Variants in ACTR3 observed in about 807,000 individuals in gnomAD.
ACTR3 encodes the protein actin-related protein 3.
In ACTR3, 12 loss-of-function variants were observed where a neutral mutation model predicts 56.8. The observed-to-expected ratio is 0.21, with a 90% confidence interval of 0.14 to 0.34. ACTR3 has a LOEUF of 0.34. Ranked by LOEUF, ACTR3 falls within the 10% of genes least tolerant of loss-of-function variation. The probability of loss-of-function intolerance (pLI) is 1.00; values close to 1 mark genes in which losing one functional copy is unlikely to be tolerated. For missense variants in ACTR3, 282 were observed against 512.5 expected (o/e 0.55, Z 4.34); for synonymous variants, 162 against 167.4 (o/e 0.97, Z 0.25).
rs566913677 is a variant in ACTR3, at chr2:113,927,395, T to C, written c.276T>C (p.Phe92=). The change falls in exon 4 of 12, where the codon TTT becomes TTC. Residue 92 remains phenylalanine, a synonymous_variant. Transcript: ENST00000263238. ...IVEDWDLMER[F]MEQVIFKYLR... is the part of the protein sequence containing the mutation. The stretch of plus-strand genomic sequence containing the variant: ...AAGATTGGGACTTAATGGAAAGGTT[T>C]ATGGAGCAAGTGATCTTTAAATATT... 6.3e-7 allele frequency: 1 copy of C among 1,596,840 alleles called. No individual in the cohort carries two copies. The highest frequency in any genetic ancestry group is 1.1e-5 in the South Asian group (1 of 88,568).
Position 113,927,365 on chromosome 2 carries a change from A to T in ACTR3, c.246A>T (p.Ile82=). ...AATAGTGGCCAATCCGCCATGGTATAGTTGAAGATTGGGACTTAATGGAAA... is the reference window on the plus strand; with the variant it reads ...AATAGTGGCCAATCCGCCATGGTATTGTTGAAGATTGGGACTTAATGGAAA... ...YATKWPIRHG[I]VEDWDLMERF... The change falls in exon 4 of 12, where the codon ATA becomes ATT. Residue 82 remains isoleucine (I), a synonymous_variant. Coordinates refer to ENST00000263238, the MANE Select transcript of ACTR3 (RefSeq NM_005721.5). 6.3e-7 allele frequency: 1 copy of T among 1,586,128 alleles called. No individual in the cohort carries two copies.
In ACTR3 at chr2:113,890,193, A is replaced by G; in HGVS notation, c.-87A>G. ...GAAGGCGGCCCAGCTGTGGATGGTC[A>G]GATAGCCCTTGTCTCCCGCCGCCAA... On this transcript the variant is annotated 5_prime_UTR_variant, in exon 1 of 12. Coordinates refer to ENST00000263238, the MANE Select transcript of ACTR3 (RefSeq NM_005721.5). 1 of 1,526,880 alleles carries G rather than the reference A, an allele frequency of 6.5e-7. No homozygotes were observed. Among genetic ancestry groups the G allele is most frequent in the Non-Finnish European group, 8.9e-7 (1 of 1,124,962 alleles). The allele number at this position is 1,526,880 out of a possible 1,614,324, so 94.6% of individuals were successfully genotyped here. A position where few individuals can be genotyped will look rare whatever the true frequency, so the allele number is the denominator to read the frequency against.
chr2:113,941,859 G>A (rs1229241730), intron 7 of ACTR3, among the ~76,000 whole-genome samples: 2 of 152,030 alleles, frequency 1.3e-5, no homozygotes, highest in Non-Finnish European at 2.9e-5. Context: ...TACAGCACAA[G>A]ATTCATTATT....
intron 8 of ACTR3, among the ~76,000 whole-genome samples, chr2:113,944,093 A>G (rs923770758): frequency 6.6e-6 from 1 of 152,214 alleles, no homozygotes; most frequent in African/African-American, 2.4e-5. Flanking sequence ...GTGAAGTAAC[A>G]TTAGAGGAAA....
chr2:113,940,630 TATCAAA>T (rs937004292), intron 7 of ACTR3, among the ~76,000 whole-genome samples: 10 of 152,100 alleles, frequency 6.6e-5, no homozygotes, highest in African/African-American at 2.4e-4. Flanking sequence ...TCATGCAAAC[TATCAAA>T]ATACTTTAGC....
In ACTR3 at chr2:113,932,209, A is replaced by G. The variant is rs775310835; in HGVS notation, c.432+813A>G. On this transcript the variant is annotated intron_variant, in intron 5 of 11. Coordinates refer to ENST00000263238, the MANE Select transcript of ACTR3 (RefSeq NM_005721.5). ...AAAGAACTTTTTAATGTTTAATGCA[A>G]TCCATAAATTTAATGAACTGCCTTT... Among the ~76,000 whole-genome samples the G allele has an allele frequency of 7.5e-4, 115 of 152,362 alleles. 1 individual carries two copies. The highest frequency in any genetic ancestry group is 2.5e-3 in the African/African-American group (105 of 41,588).
At chr2:113,925,252 A>G (rs1285117123) in intron 3 of ACTR3, among the ~76,000 whole-genome samples, 1 of 133,748 alleles carries the variant, frequency 7.5e-6, no homozygotes, top group Non-Finnish European at 1.6e-5. Flanking sequence ...CTGGAGTGCA[A>G]TGGAGTGATC....
At chr2:113,949,867 G>A (rs1428838584) in intron 8 of ACTR3, among the ~76,000 whole-genome samples, 1 of 152,170 alleles carries the variant, frequency 6.6e-6, no homozygotes, top group African/African-American at 2.4e-5. Flanking sequence ...CCAGCTTCAA[G>A]TTGTTTTTTG....
intron 1 of ACTR3, among the ~76,000 whole-genome samples, chr2:113,894,175 C>T (rs1916201): frequency 0.3 from 45,129 of 151,742 alleles, 11,043 homozygotes; most frequent in African/African-American, 0.67. Flanking sequence ...CTGCAACCTC[C>T]TTCTGCCTCC....
intron 2 of ACTR3, among the ~76,000 whole-genome samples, chr2:113,916,112 A>G (rs1423698568): frequency 6.6e-6 from 1 of 152,176 alleles, no homozygotes; most frequent in Non-Finnish European, 1.5e-5. Context: ...TTTTTCTTCC[A>G]GTTATTTTCT....
chr2:113,930,905 A>C lies in ACTR3; in HGVS notation c.337-396A>C, dbSNP rs1679711951. Among the ~76,000 whole-genome samples, 2 of 152,164 alleles carry C rather than the reference A, an allele frequency of 1.3e-5. 1 individual carries two copies. Among genetic ancestry groups the C allele is most frequent in the South Asian group, 4.1e-4 (2 of 4,826 alleles). On this transcript the variant is annotated intron_variant, in intron 4 of 11. Transcript: ENST00000263238. ...TTCATCTAAAAGCATTACTTAGATG[A>C]GGGCTCTCCCACTGGCAAATACCAT...
chr2:113,934,157 G>T, intron 5 of ACTR3, 122 bp from the exon 6 acceptor site: 1 of 656,064 alleles, frequency 1.5e-6, no homozygotes, highest in Non-Finnish European at 2.6e-6. Flanking sequence ...TCTTTCCACA[G>T]ATACTACATT....
intron 1 of ACTR3, among the ~76,000 whole-genome samples, chr2:113,911,549 A>G (rs1002703913): frequency 3.3e-5 from 5 of 150,678 alleles, no homozygotes; most frequent in African/African-American, 1.2e-4. Flanking sequence ...TCTCCTGAGT[A>G]GCTGGGATTA....
At position 113,960,021 on chromosome 2, in the gene ACTR3, A is replaced by G. The variant is rs1018486935; in HGVS notation, c.*2566A>G. On this transcript the variant is annotated 3_prime_UTR_variant, in exon 12 of 12. Transcript: ENST00000263238. ...AATTTCTTTGAGTTGTTAGAATATA[A>G]TGTAGCTTATTAATAGCAATATTAG... 1.3e-5 allele frequency: 2 copies of G among 152,044 alleles called. No homozygotes were observed. Among genetic ancestry groups the G allele is most frequent in the African/African-American group, 2.4e-5 (1 of 41,446 alleles). The allele number at this position is 152,044 out of a possible 1,614,324, so 9.4% of individuals were successfully genotyped here.
chr2:113,951,682 T>C, intron 9 of ACTR3, 38 bp from the exon 10 acceptor site: 9 of 1,496,082 alleles, frequency 6.0e-6, no homozygotes, highest in Non-Finnish European at 8.1e-6. Flanking sequence ...TTTAAACTTT[T>C]CTCTTTTTAA....
chr2:113,895,386 G>C (rs947720932), intron 1 of ACTR3, among the ~76,000 whole-genome samples: 4 of 152,160 alleles, frequency 2.6e-5, no homozygotes, highest in African/African-American at 9.7e-5. Flanking sequence ...CGTAGAAGAT[G>C]AACGTTTGAC....
chr2:113,942,354 C>G lies in ACTR3; in HGVS notation c.853C>G (p.Pro285Ala). The change falls in exon 8 of 12, where the codon CCA (proline) becomes GCA (alanine). Residue 285 changes from proline to alanine, a missense_variant. Coordinates refer to ENST00000263238, the MANE Select transcript of ACTR3 (RefSeq NM_005721.5). ...RFLGPEIFFH[P>A]EFANPDFTQP... The stretch of plus-strand genomic sequence containing the variant: ...TTTGGGACCTGAAATCTTTTTTCAT[C>G]CAGAGGTAATTTTTTTTAACGGAAT... 1.3e-6 allele frequency: 2 copies of G among 1,563,356 alleles called. No homozygotes were observed. Among genetic ancestry groups the G allele is most frequent in the Non-Finnish European group, 8.6e-7 (1 of 1,159,978 alleles).
At chr2:113,890,653 T>G in intron 1 of ACTR3, 1 of 1,220,314 alleles carries the variant, frequency 8.2e-7, no homozygotes. Context: ...TTGGGGGTGG[T>G]CCCCGGGCCC....
At chr2:113,920,314 T>C (rs1396209297) in intron 3 of ACTR3, among the ~76,000 whole-genome samples, 3 of 152,242 alleles carry the variant, frequency 2.0e-5, no homozygotes, top group Admixed American at 6.5e-5. Flanking sequence ...CATGTTGGCC[T>C]CTCTCAAAGT....
Sources: allele counts gnomAD v4.1 joint callset (sites outside exome capture counted in the v4.1 genomes callset), GRCh38; gene constraint gnomAD v4.1.1; transcripts MANE v1.5; gene names NCBI Gene and HGNC (gene_info 2026-07-23, HGNC 2026-07-21).